The following ROBO2 variants were observed in gnomAD, a reference collection of about 807,000 sequenced individuals.
The protein encoded by ROBO2 is roundabout guidance receptor 2, also known as roundabout homolog 2.
In ROBO2, 53 loss-of-function variants were observed where a neutral mutation model predicts 160.8. That is an observed-to-expected ratio of 0.33 (90% CI 0.26 to 0.41). The LOEUF is 0.41. Ranked by LOEUF, ROBO2 falls within the 10% of genes least tolerant of loss-of-function variation. ROBO2 has a pLI of 1.00. For synonymous variants in ROBO2, 664 were observed against 611.7 expected (o/e 1.09, Z -1.26); for missense variants, 1,577 against 1,722.4 (o/e 0.92, Z 1.49).
chr3:76,627,492 C>G (rs2089732217), intron 2 of ROBO2, among the ~76,000 whole-genome samples: 1 of 152,168 alleles, frequency 6.6e-6, no homozygotes, highest in Admixed American at 6.5e-5. Context: ...ATGATGGCTG[C>G]TAAGGAATGT....
intron 2 of ROBO2, among the ~76,000 whole-genome samples, chr3:76,669,728 C>T (rs2092190967): frequency 6.6e-6 from 1 of 152,180 alleles, no homozygotes; most frequent in South Asian, 2.1e-4. Flanking sequence ...AAGTTTCATG[C>T]TGTTACATCT....
intron 2 of ROBO2, among the ~76,000 whole-genome samples, chr3:76,747,669 C>G (rs1560490630): frequency 6.6e-6 from 1 of 151,460 alleles, no homozygotes; most frequent in Non-Finnish European, 1.5e-5. Flanking sequence ...TGATTGATCT[C>G]TGATATTATA....
rs75204049 is a variant in ROBO2 at position 76,496,546 on chromosome 3, T to C, written c.109+558944T>C. Among the ~76,000 whole-genome samples, 754 of 152,288 alleles carry C rather than the reference T, an allele frequency of 5.0e-3. 6 individuals are homozygous for C. The highest frequency in any genetic ancestry group is 0.017 in the African/African-American group (698 of 41,574). On this transcript the variant is annotated intron_variant, in intron 2 of 26. Coordinates refer to the ROBO2 transcript ENST00000487694. ...AATGTACTTCTCCTGTTCCCAAGAC[T>C]CTCATATCCAGCTGCCTACTTGATT...
intron 2 of ROBO2, among the ~76,000 whole-genome samples, chr3:76,478,923 A>C (rs1577488545): frequency 1.3e-5 from 2 of 152,016 alleles, no homozygotes; most frequent in African/African-American, 4.8e-5. Context: ...TTGGCCTCCC[A>C]AAATCCTGGG....
chr3:76,263,649 T>C (rs184448284), intron 2 of ROBO2, among the ~76,000 whole-genome samples: 1 of 152,290 alleles, frequency 6.6e-6, no homozygotes, highest in East Asian at 1.9e-4. Context: ...AGTTCCACTT[T>C]ACAGGTTTAT....
At chr3:76,335,336 A>G (rs2073810420) in intron 2 of ROBO2, among the ~76,000 whole-genome samples, 1 of 150,560 alleles carries the variant, frequency 6.6e-6, no homozygotes, top group African/African-American at 2.4e-5. Flanking sequence ...GTGTGCCACC[A>G]CGCCTGGTTA....
intron 2 of ROBO2, among the ~76,000 whole-genome samples, chr3:76,220,425 C>G (rs1703888578): frequency 6.6e-6 from 1 of 151,816 alleles, no homozygotes; most frequent in Non-Finnish European, 1.5e-5. Context: ...TGTAAAAGCT[C>G]GATCCTCACA....
At chr3:76,230,772 C>T (rs1704575976) in intron 2 of ROBO2, among the ~76,000 whole-genome samples, 1 of 152,154 alleles carries the variant, frequency 6.6e-6, no homozygotes, top group Admixed American at 6.5e-5. Context: ...CCTCTAATAC[C>T]TGTGAACATG....
Position 77,054,800 on chromosome 3 carries a change from A to G in ROBO2, c.61+13954A>G, listed in dbSNP as rs186646385. Among the ~76,000 whole-genome samples, 8 of 152,114 alleles carry G rather than the reference A, an allele frequency of 5.3e-5. No homozygotes were observed. In the East Asian group the frequency reaches 7.8e-4, roughly 15 times the overall value. ...GCTTCTGATTGGTTTTATTTTGTCA[A>G]TTTTACATTCCCATCAATGCTGTGG... On this transcript the variant is annotated intron_variant, in intron 1 of 25. Transcript: ENST00000461745.
intron 2 of ROBO2, among the ~76,000 whole-genome samples, chr3:75,942,178 A>C (rs1258881429): frequency 6.6e-6 from 1 of 152,174 alleles, no homozygotes; most frequent in South Asian, 2.1e-4. Context: ...CATGTGATCT[A>C]TGAGTTTTAA....
At chr3:76,856,929 A>G (rs1237114643) in intron 2 of ROBO2, among the ~76,000 whole-genome samples, 1 of 152,208 alleles carries the variant, frequency 6.6e-6, no homozygotes, top group East Asian at 1.9e-4. Flanking sequence ...AGTTCTAAAT[A>G]CCGCATTTGC....
At chr3:76,608,792 G>C (rs542821210) in intron 2 of ROBO2, among the ~76,000 whole-genome samples, 48 of 152,240 alleles carry the variant, frequency 3.2e-4, no homozygotes, top group African/African-American at 1.1e-3. Flanking sequence ...TGGATATCCA[G>C]TTTTTCCAGC....
chr3:77,115,391 C>T lies in ROBO2; in HGVS notation c.388+17051C>T, dbSNP rs143410824. 3.5e-3 allele frequency among the ~76,000 whole-genome samples: 529 copies of T among 152,156 alleles called. 2 individuals carry two copies. The highest frequency in any genetic ancestry group is 0.012 in the African/African-American group (494 of 41,528). ...TTTAATAAGTTCTTCCATATATGAG[C>T]GCTATGTCATCTTCAAAGTTTTCAT... On this transcript the variant is annotated intron_variant, in intron 2 of 25. Transcript: ENST00000461745.
At chr3:76,348,694 C>A (rs1213956234) in intron 2 of ROBO2, among the ~76,000 whole-genome samples, 3 of 152,088 alleles carry the variant, frequency 2.0e-5, no homozygotes, top group Non-Finnish European at 4.4e-5. Flanking sequence ...ATATCTGCTT[C>A]TCCATCTCCC....
intron 6 of ROBO2, among the ~76,000 whole-genome samples, chr3:77,536,900 C>G (rs144025932): frequency 2.6e-5 from 4 of 152,114 alleles, no homozygotes; most frequent in East Asian, 3.9e-4. Flanking sequence ...TTTTATGTGC[C>G]TGCTTATGAG....
chr3:77,617,051 G>T (rs2094795486), intron 21 of ROBO2, among the ~76,000 whole-genome samples: 1 of 152,128 alleles, frequency 6.6e-6, no homozygotes, highest in East Asian at 1.9e-4. Context: ...TGGAATGAAA[G>T]GTTGTCAGAT....
chr3:76,016,621 G>A (rs1330687548), intron 2 of ROBO2, among the ~76,000 whole-genome samples: 1 of 151,930 alleles, frequency 6.6e-6, no homozygotes, highest in South Asian at 2.1e-4. Context: ...TATTTTTTAT[G>A]AGTATTGGTA....
chr3:77,516,347 G>A (rs2090015961), intron 5 of ROBO2, among the ~76,000 whole-genome samples: 2 of 151,472 alleles, frequency 1.3e-5, no homozygotes, highest in Non-Finnish European at 3.0e-5. Flanking sequence ...ATTGTTAAAA[G>A]TATAAATGAA....
rs2092299071 is a variant in ROBO2, at chr3:76,672,613, T to C, written c.110-425401T>C. 2.0e-5 allele frequency among the ~76,000 whole-genome samples: 3 copies of C among 152,240 alleles called. No homozygotes were observed. The South Asian group carries it at 6.2e-4, about 32-fold the overall frequency. ...GAAGACAGCATTCAATATCAATAAA[T>C]TTTATACCTAGATGCTCTAGGTTAG... is the stretch of plus-strand genomic sequence containing the variant. On this transcript the variant is annotated intron_variant, in intron 2 of 26. Transcript: ENST00000487694.
Sources: allele counts gnomAD v4.1 joint callset (sites outside exome capture counted in the v4.1 genomes callset), GRCh38; gene constraint gnomAD v4.1.1; transcripts MANE v1.5; gene names NCBI Gene and HGNC (gene_info 2026-07-23, HGNC 2026-07-21).